CNTLN: variants seen among roughly 807,000 people sequenced by gnomAD.
The protein encoded by CNTLN is centlein, centrosomal protein.
CNTLN carries 212 observed loss-of-function variants against 180.0 expected under a neutral mutation model. The ratio of observed to expected loss-of-function variants is 1.18; its 90% confidence interval spans 1.05 to 1.32. The LOEUF (loss-of-function observed/expected upper bound fraction) is 1.32, where lower values mean the gene tolerates loss of function less well. CNTLN is among the 40% of genes most tolerant of loss of function. The probability of loss-of-function intolerance (pLI) is 0.00; values close to 1 mark genes in which losing one functional copy is unlikely to be tolerated. For missense variants in CNTLN, 2,095 were observed against 1,610.9 expected (o/e 1.30, Z -5.14); for synonymous variants, 722 against 563.1 (o/e 1.28, Z -3.99).
At chr9:17,400,501 T>G (rs1343380969) in intron 15 of CNTLN, among the ~76,000 whole-genome samples, 1 of 152,170 alleles carries the variant, frequency 6.6e-6, no homozygotes, top group Non-Finnish European at 1.5e-5. Context: ...CCAAACTACT[T>G]TTGTTCAAAT....
intron 12 of CNTLN, among the ~76,000 whole-genome samples, chr9:17,350,019 C>A (rs1239662930): frequency 2.0e-5 from 3 of 152,162 alleles, no homozygotes; most frequent in Non-Finnish European, 4.4e-5. Context: ...TCAGCTTTCT[C>A]ACTCAGTTGA....
chr9:17,165,668 T>C (rs1820020419), intron 2 of CNTLN, among the ~76,000 whole-genome samples: 1 of 152,222 alleles, frequency 6.6e-6, no homozygotes, highest in African/African-American at 2.4e-5. Flanking sequence ...AAGTATCTTC[T>C]GGACTTAGGG....
chr9:17,171,254 A>T (rs1271335977), intron 2 of CNTLN, among the ~76,000 whole-genome samples: 1 of 152,026 alleles, frequency 6.6e-6, no homozygotes. Context: ...GTTGCCTTGC[A>T]TTGATATCTG....
intron 6 of CNTLN, among the ~76,000 whole-genome samples, chr9:17,283,249 C>T (rs1828776555): frequency 6.6e-6 from 1 of 151,942 alleles, no homozygotes; most frequent in South Asian, 2.1e-4. Context: ...TTGTTTTTGC[C>T]CTCTCTTATT....
intron 2 of CNTLN, among the ~76,000 whole-genome samples, chr9:17,179,010 C>T (rs913653193): frequency 2.7e-5 from 4 of 146,098 alleles, no homozygotes; most frequent in African/African-American, 5.4e-5. Context: ...TTTGGGAGGC[C>T]GAGGCGGGCG....
chr9:17,396,747 G>A (rs1204569744), intron 15 of CNTLN, among the ~76,000 whole-genome samples: 1 of 152,166 alleles, frequency 6.6e-6, no homozygotes, highest in Non-Finnish European at 1.5e-5. Context: ...ACAGGCCTAA[G>A]TATTTTTTCA....
intron 25 of CNTLN, among the ~76,000 whole-genome samples, chr9:17,490,488 C>T (rs757185779): frequency 2.8e-4 from 42 of 151,882 alleles, no homozygotes; most frequent in Non-Finnish European, 5.2e-4. Context: ...TAAAGCCAGG[C>T]ATAAAATGTT....
intron 15 of CNTLN, among the ~76,000 whole-genome samples, chr9:17,402,154 T>C (rs1328254794): frequency 6.6e-6 from 1 of 151,822 alleles, no homozygotes; most frequent in East Asian, 1.9e-4. Context: ...AACTGTTCTC[T>C]ATTCAAAAAG....
intron 5 of CNTLN, among the ~76,000 whole-genome samples, chr9:17,272,224 G>A (rs1208282938): frequency 1.3e-5 from 2 of 151,628 alleles, no homozygotes; most frequent in South Asian, 2.1e-4. Context: ...CTACAGGTGC[G>A]TGCCACCATG....
chr9:17,486,036 T>A (rs950912527), intron 24 of CNTLN, among the ~76,000 whole-genome samples: 1 of 152,000 alleles, frequency 6.6e-6, no homozygotes, highest in South Asian at 2.1e-4. Context: ...TTAAATCAAG[T>A]CCCTCCTGAA....
At chr9:17,272,909 A>G (rs1390681688) in intron 5 of CNTLN, among the ~76,000 whole-genome samples, 1 of 151,732 alleles carries the variant, frequency 6.6e-6, no homozygotes, top group Non-Finnish European at 1.5e-5. Context: ...TTCTGCCCTT[A>G]TTTTCTCCCC....
At chr9:17,395,602 A>G (rs926847908) in intron 15 of CNTLN, among the ~76,000 whole-genome samples, 2 of 152,162 alleles carry the variant, frequency 1.3e-5, no homozygotes, top group African/African-American at 4.8e-5. Context: ...TAATTATTTT[A>G]TGTATGTATT....
chr9:17,136,383 G>A (rs941245395), intron 1 of CNTLN, among the ~76,000 whole-genome samples: 5 of 152,240 alleles, frequency 3.3e-5, no homozygotes, highest in African/African-American at 1.2e-4. Flanking sequence ...AGGCTGGAGT[G>A]CAGTGGTGCA....
chr9:17,481,540 C>T (rs1241519419), intron 23 of CNTLN, among the ~76,000 whole-genome samples: 1 of 152,186 alleles, frequency 6.6e-6, no homozygotes, highest in Non-Finnish European at 1.5e-5. Flanking sequence ...TGACCCCACC[C>T]AACTGCAGCG....
intron 2 of CNTLN, among the ~76,000 whole-genome samples, chr9:17,203,634 G>A (rs1822704675): frequency 6.6e-6 from 1 of 152,124 alleles, no homozygotes. Flanking sequence ...TCGGCTCACT[G>A]CAAGCTCCAC....
rs1831728660 is a variant in CNTLN, at chr9:17,466,057, TAAAAG to T, written c.3614_3618del (p.Glu1205ValfsTer4). The T allele has an allele frequency of 3.7e-6, 6 of 1,606,366 alleles. No individual in the cohort carries two copies. The highest frequency in any genetic ancestry group is 4.3e-6 in the Non-Finnish European group (5 of 1,174,668). Reference sequence around the variant, plus strand: ...CTAAAGCAAAGACTTAACGTTGCTGTAAAAGAAAAGTCACAGTATGAACAGATGTA... The same window carrying T: ...CTAAAGCAAAGACTTAACGTTGCTGTAAAAGTCACAGTATGAACAGATGTA... On this transcript the variant is annotated frameshift_variant, in exon 22 of 26. Coordinates refer to ENST00000380647, the MANE Select transcript of CNTLN (RefSeq NM_017738.4). LOFTEE classifies it high-confidence loss of function.
At chr9:17,476,605 A>T (rs1358870722) in intron 23 of CNTLN, among the ~76,000 whole-genome samples, 1 of 152,246 alleles carries the variant, frequency 6.6e-6, no homozygotes, top group African/African-American at 2.4e-5. Context: ...ATACACAGAA[A>T]GTTTTAGTGG....
the CNTLN span, among the ~76,000 whole-genome samples, chr9:17,517,244 T>A: frequency 6.6e-6 from 1 of 151,428 alleles, no homozygotes; most frequent in Non-Finnish European, 1.5e-5. Context: ...CAAAAAAAAA[T>A]TAGCCAGTGT....
chr9:17,345,657 C>G (rs1821821864), intron 12 of CNTLN, among the ~76,000 whole-genome samples: 1 of 151,670 alleles, frequency 6.6e-6, no homozygotes, highest in Non-Finnish European at 1.5e-5. Context: ...ATTTACATAC[C>G]TTTACCCTTC....
Sources: gnomAD v4.1 joint callset for allele counts (sites outside exome capture counted in the v4.1 genomes callset) on GRCh38, gnomAD v4.1.1 for gene constraint, MANE v1.5 for transcripts, NCBI Gene and HGNC (gene_info 2026-07-23, HGNC 2026-07-21) for gene names.